The following CUX2 variants were observed in gnomAD, a reference collection of about 807,000 sequenced individuals.
CUX2 encodes cut like homeobox 2.
CUX2 carries 40 observed loss-of-function variants against 144.8 expected under a neutral mutation model. The observed-to-expected ratio is 0.28, with a 90% CI of 0.21 to 0.36. The LOEUF is 0.36. CUX2 is among the 10% of genes least tolerant of loss of function. The pLI is 1.00. For synonymous variants in CUX2, 827 were observed against 875.6 expected, an observed-to-expected ratio of 0.94 and a Z score of 0.98; for missense variants, 1,615 against 1,994.0, an observed-to-expected ratio of 0.81 and a Z score of 3.62.
chr12:111,160,296 G>A lies in CUX2; in HGVS notation c.64-53904G>A, dbSNP rs1055608035. 3.3e-5 allele frequency among the ~76,000 whole-genome samples: 5 copies of A among 152,204 alleles called. No individual in the cohort carries two copies. The highest frequency in any genetic ancestry group is 1.2e-4 in the African/African-American group (5 of 41,456). ...GAGGGCTATTAAATGGACCCCCTAA[G>A]GCTGAGGAATCAGACCAGTCAGAGA... On this transcript the variant is annotated intron_variant, in intron 1 of 21. Coordinates refer to ENST00000261726, the MANE Select transcript of CUX2 (RefSeq NM_015267.4). This position sits in a 1 kb window ranked among gnomAD's most constrained non-coding sequence, Gnocchi z 4.1.
At chr12:111,208,512 G>A (rs1483974242) in intron 1 of CUX2, among the ~76,000 whole-genome samples, 2 of 152,204 alleles carry the variant, frequency 1.3e-5, no homozygotes, top group South Asian at 2.1e-4. Flanking sequence ...ACCAACCATA[G>A]GATCCTTCCC....
At chr12:111,326,819 G>A (rs1229851588) in intron 18 of CUX2, among the ~76,000 whole-genome samples, 2 of 152,048 alleles carry the variant, frequency 1.3e-5, no homozygotes, top group Admixed American at 6.6e-5. Flanking sequence ...CGAGAGGATC[G>A]CTTGAACCCA....
intron 1 of CUX2, among the ~76,000 whole-genome samples, chr12:111,053,500 C>T (rs1047457753): frequency 6.6e-6 from 1 of 152,268 alleles, no homozygotes; most frequent in Non-Finnish European, 1.5e-5. Flanking sequence ...GAATCTGCCA[C>T]GTACTTCCAT....
At chr12:111,203,231 CAAAAAAA>C (rs35855857) in intron 1 of CUX2, among the ~76,000 whole-genome samples, 11 of 76,568 alleles carry the variant, frequency 1.4e-4, no homozygotes, top group Admixed American at 5.3e-4. Flanking sequence ...GACTCTGTCT[CAAAAAAA>C]AAAAAAAAAA....
chr12:111,312,299 C>A lies in CUX2; in HGVS notation c.2002+98C>A. The A allele has an allele frequency of 2.8e-6, 3 of 1,082,768 alleles. No homozygotes were observed. The highest frequency in any genetic ancestry group is 1.5e-5 in the South Asian group (1 of 66,852). 67.1% of individuals were successfully genotyped at this position (1,082,768 alleles called of 1,614,324 possible). A position where few individuals can be genotyped will look rare whatever the true frequency, so the allele number is the denominator to read the frequency against. ...ACCTTTGTCCACCCCAGAGGGAATCCAAGGTGGATCAGAACCACCAGAGGC... is the reference window on the plus strand; with the variant it reads ...ACCTTTGTCCACCCCAGAGGGAATCAAAGGTGGATCAGAACCACCAGAGGC... On this transcript the variant is annotated intron_variant, in intron 16 of 21. Coordinates refer to ENST00000261726, the MANE Select transcript of CUX2 (RefSeq NM_015267.4). This position sits in a 1 kb window ranked among gnomAD's most constrained non-coding sequence, Gnocchi z 4.3.
intron 1 of CUX2, among the ~76,000 whole-genome samples, chr12:111,147,022 A>C (rs553758656): frequency 6.6e-6 from 1 of 152,192 alleles, no homozygotes; most frequent in South Asian, 2.1e-4. Context: ...GTAATCCCAG[A>C]TAATCGGGAG....
chr12:111,252,705 G>A (rs1412809376), intron 3 of CUX2, among the ~76,000 whole-genome samples: 1 of 151,546 alleles, frequency 6.6e-6, no homozygotes, highest in Non-Finnish European at 1.5e-5. Flanking sequence ...TGCCCACTCT[G>A]TGCCCAGCCC....
chr12:111,324,395 C>A (rs1054786423), intron 18 of CUX2, among the ~76,000 whole-genome samples: 16 of 151,700 alleles, frequency 1.1e-4, no homozygotes, highest in African/African-American at 3.9e-4. Context: ...AGGAGGCAGC[C>A]CCCCAGCTGG....
At chr12:111,248,467 C>T (rs542978666) in intron 3 of CUX2, among the ~76,000 whole-genome samples, 2 of 152,194 alleles carry the variant, frequency 1.3e-5, no homozygotes, top group South Asian at 2.1e-4. Context: ...AGTTTGCCAG[C>T]CATAGGGGGA....
At chr12:111,156,145 C>A (rs1227909097) in intron 1 of CUX2, among the ~76,000 whole-genome samples, 1 of 152,052 alleles carries the variant, frequency 6.6e-6, no homozygotes, top group African/African-American at 2.4e-5. Context: ...TCTTTAATCC[C>A]GGGGCAGAAA....
intron 1 of CUX2, among the ~76,000 whole-genome samples, chr12:111,047,704 T>C (rs1297830172): frequency 1.3e-5 from 2 of 152,120 alleles, no homozygotes. Flanking sequence ...CATTCATCCA[T>C]CAAATAGCAG....
chr12:111,193,860 T>C (rs1229751992), intron 1 of CUX2, among the ~76,000 whole-genome samples: 2 of 152,200 alleles, frequency 1.3e-5, no homozygotes, highest in Non-Finnish European at 2.9e-5. Context: ...CAGATTCTCC[T>C]GAAGACCCTC....
chr12:111,042,147 G>T (rs1833061888), intron 1 of CUX2, among the ~76,000 whole-genome samples: 2 of 152,238 alleles, frequency 1.3e-5, no homozygotes, highest in Admixed American at 1.3e-4. Context: ...GACGCTGGGG[G>T]GCCCAACGGT....
chr12:111,076,989 G>A (rs1318638927), intron 1 of CUX2, among the ~76,000 whole-genome samples: 1 of 152,182 alleles, frequency 6.6e-6, no homozygotes, highest in African/African-American at 2.4e-5. Context: ...ACACATAAAC[G>A]GCCAAAGGAT....
At chr12:111,137,720 G>T (rs1456601299) in intron 1 of CUX2, among the ~76,000 whole-genome samples, 9 of 152,212 alleles carry the variant, frequency 5.9e-5, no homozygotes, top group Admixed American at 4.6e-4. Flanking sequence ...TCACTATGTT[G>T]CCCAAGCTGG....
intron 1 of CUX2, among the ~76,000 whole-genome samples, chr12:111,075,347 CT>C (rs1871473140): frequency 6.6e-6 from 1 of 152,110 alleles, no homozygotes; most frequent in African/African-American, 2.4e-5. Context: ...GTCAGAGGGG[CT>C]TCAGACTTAT....
At chr12:111,244,416 C>T (rs1883175412) in intron 3 of CUX2, among the ~76,000 whole-genome samples, 3 of 152,216 alleles carry the variant, frequency 2.0e-5, no homozygotes, top group Admixed American at 2.0e-4. Context: ...TCTCCAGCTC[C>T]CCATGTTGTC....
At chr12:111,230,200 G>T (rs893267763) in intron 3 of CUX2, among the ~76,000 whole-genome samples, 2 of 150,434 alleles carry the variant, frequency 1.3e-5, no homozygotes, top group Non-Finnish European at 3.0e-5. Context: ...GCAGGAGAGG[G>T]GGGGAGGGGA....
chr12:111,193,740 G>A (rs1287969959), intron 1 of CUX2, among the ~76,000 whole-genome samples: 1 of 152,198 alleles, frequency 6.6e-6, no homozygotes, highest in East Asian at 1.9e-4. Context: ...GGAGTGGGCA[G>A]CACTGCCATG....
Sources: allele counts gnomAD v4.1 joint callset (sites outside exome capture counted in the v4.1 genomes callset), GRCh38; gene constraint gnomAD v4.1.1; non-coding constraint Gnocchi (gnomAD v3.1); transcripts MANE v1.5; gene names NCBI Gene and HGNC (gene_info 2026-07-23, HGNC 2026-07-21).